Variants in TRAF3IP2 observed in about 807,000 individuals in gnomAD.
TRAF3IP2 encodes TRAF3 interacting protein 2, also known as E3 ubiquitin ligase TRAF3IP2.
In TRAF3IP2, 35 loss-of-function variants were observed where a neutral mutation model predicts 57.9. The observed-to-expected ratio is 0.60, with a 90% CI of 0.46 to 0.80. The LOEUF is 0.80. Ranked by LOEUF, TRAF3IP2 falls within the 30% of genes least tolerant of loss-of-function variation. TRAF3IP2 has a pLI of 0.00. For missense variants in TRAF3IP2, 556 were observed against 706.4 expected (o/e 0.79, Z 2.41); for synonymous variants, 251 against 268.9 (o/e 0.93, Z 0.65).
chr6:111,562,218 G>T (rs982632365), intron 8 of TRAF3IP2, among the ~76,000 whole-genome samples: 1 of 152,120 alleles, frequency 6.6e-6, no homozygotes, highest in African/African-American at 2.4e-5. Context: ...ATGAATCACG[G>T]CAAAGTTCAC....
In TRAF3IP2 at chr6:111,591,818, T is replaced by C; in HGVS notation, c.269A>G (p.Asp90Gly). ...VTCLRTQVLE[D>G]SEDSFCRRHP... ...TCTCCTGCAGAAACTGTCTTCACTG[T>C]CCTCCAGAACTTGAGTGCGCAGGCA... is the stretch of plus-strand genomic sequence containing the variant. Residue 90 changes from aspartate to glycine, a missense_variant, in exon 2 of 9, where the codon GAC becomes GGC. Physicochemically the swap from Asp to Gly is moderately conservative, Grantham distance 94. Coordinates refer to ENST00000368761, the MANE Select transcript of TRAF3IP2 (RefSeq NM_147686.4). This position sits in a 1 kb window ranked among gnomAD's most constrained non-coding sequence, Gnocchi z 4.9. 6.2e-7 allele frequency: 1 copy of C among 1,614,238 alleles called. No individual in the cohort carries two copies. The highest frequency in any genetic ancestry group is 8.5e-7 in the Non-Finnish European group (1 of 1,180,042).
intron 1 of TRAF3IP2, among the ~76,000 whole-genome samples, chr6:111,593,593 G>A (rs1287816458): frequency 6.6e-6 from 1 of 152,132 alleles, no homozygotes; most frequent in Non-Finnish European, 1.5e-5. Context: ...CCCACCTGCT[G>A]CACAACGACC....
At position 111,567,650 on chromosome 6, in the gene TRAF3IP2, T is replaced by C; in HGVS notation, c.1333A>G (p.Lys445Glu). 6.2e-7 allele frequency: 1 copy of C among 1,610,660 alleles called. No individual in the cohort carries two copies. The highest frequency in any genetic ancestry group is 1.7e-5 in the Admixed American group (1 of 59,480). ...TCCCTAAGGTAGCGCTCCATCCATT[T>C]AATGATATCAATGCCTCGGATTCTA... ...EDRIRGIDII[K>E]WMERYLRDKT... is the part of the protein sequence containing the mutation. Residue 445 changes from lysine (K) to glutamate (E), a missense_variant, in exon 6 of 9, where the codon AAA becomes GAA. This residue lies in a region of TRAF3IP2 where 128 missense variants were observed against 207.7 expected (regional missense o/e 0.62). Transcript: ENST00000368761.
At chr6:111,598,851 G>A (rs544004809) in intron 1 of TRAF3IP2, among the ~76,000 whole-genome samples, 6 of 152,102 alleles carry the variant, frequency 3.9e-5, no homozygotes, top group Admixed American at 6.6e-5. Context: ...TCATGACACC[G>A]CCCAGGAGAC....
At chr6:111,594,867 G>T (rs891363682) in intron 1 of TRAF3IP2, among the ~76,000 whole-genome samples, 5 of 152,140 alleles carry the variant, frequency 3.3e-5, no homozygotes, top group African/African-American at 1.2e-4. Context: ...AGTGAGCCGA[G>T]ATCGTGCCAT....
intron 1 of TRAF3IP2, among the ~76,000 whole-genome samples, chr6:111,596,716 A>G (rs1401799628): frequency 6.6e-6 from 1 of 152,124 alleles, no homozygotes; most frequent in Non-Finnish European, 1.5e-5. Context: ...GGCCTCCCAA[A>G]GTGCTGGGAT....
rs773409343 is a variant in TRAF3IP2 at position 111,601,230 on chromosome 6, G to A, written c.-9+4546C>T. On this transcript the variant is annotated intron_variant, in intron 1 of 8. Transcript: ENST00000368761. ...GAGGAGGCATGGAAGCAGGCCACCT[G>A]TGTTCTGTACAGCATCACCAGGCTG... is the stretch of plus-strand genomic sequence containing the variant. 4 of 778,804 alleles carry A rather than the reference G, an allele frequency of 5.1e-6. No individual in the cohort carries two copies. The African/African-American group carries it at 6.8e-5, about 13-fold the overall frequency. 48.2% of individuals were successfully genotyped at this position (778,804 alleles called of 1,614,324 possible). A position where few individuals can be genotyped will look rare whatever the true frequency, so the allele number is the denominator to read the frequency against.
chr6:111,596,690 G>A (rs1460119002), intron 1 of TRAF3IP2, among the ~76,000 whole-genome samples: 2 of 152,214 alleles, frequency 1.3e-5, no homozygotes, highest in African/African-American at 4.8e-5. Context: ...CTGACCTCAG[G>A]TGATCCGCCC....
At chr6:111,577,599 C>T (rs1796027950) in intron 3 of TRAF3IP2, among the ~76,000 whole-genome samples, 1 of 151,826 alleles carries the variant, frequency 6.6e-6, no homozygotes, top group South Asian at 2.1e-4. Flanking sequence ...CCATGTTGCC[C>T]AAGCTGGTCA....
chr6:111,560,707 AAGG>A (rs1795403900), intron 8 of TRAF3IP2, among the ~76,000 whole-genome samples: 1 of 152,210 alleles, frequency 6.6e-6, no homozygotes, highest in Non-Finnish European at 1.5e-5. Context: ...GCATTGTCTG[AAGG>A]AGATTTAAAA....
intron 1 of TRAF3IP2, chr6:111,597,777 G>A (rs1796737266): frequency 2.2e-6 from 1 of 453,004 alleles, no homozygotes; most frequent in Non-Finnish European, 4.4e-6. Context: ...CTGTGCATGT[G>A]AGCCTGGTTC....
chr6:111,587,443 C>A (rs174377), intron 2 of TRAF3IP2, among the ~76,000 whole-genome samples: 16,557 of 151,876 alleles, frequency 0.11, 1,214 homozygotes, highest in Middle Eastern at 0.22. Context: ...TTTTAGTAGA[C>A]AACATTTCAC....
chr6:111,568,757 G>A (rs1413554989), intron 5 of TRAF3IP2, among the ~76,000 whole-genome samples: 4 of 151,948 alleles, frequency 2.6e-5, no homozygotes, highest in African/African-American at 4.8e-5. Flanking sequence ...ATCCAGCCTC[G>A]CCTCTCTTTT....
chr6:111,580,876 C>A (rs1040382), intron 2 of TRAF3IP2, among the ~76,000 whole-genome samples: 3 of 150,404 alleles, frequency 2.0e-5, no homozygotes, highest in African/African-American at 7.3e-5. Context: ...ACACACACAC[C>A]CCACTCTCCT....
At chr6:111,603,621 T>A (rs901790708) in intron 1 of TRAF3IP2, among the ~76,000 whole-genome samples, 2 of 152,258 alleles carry the variant, frequency 1.3e-5, no homozygotes, top group Non-Finnish European at 2.9e-5. Context: ...TCTTTCTGAA[T>A]GCCTGTTGAA....
rs1475940238 is a variant in TRAF3IP2 at position 111,555,950 on chromosome 6, A to G, written c.*3455T>C. On this transcript the variant is annotated 3_prime_UTR_variant, in exon 9 of 9. Coordinates refer to ENST00000368761, the MANE Select transcript of TRAF3IP2 (RefSeq NM_147686.4). ...AACCCCGTCTCTACTAAAAATACAA[A>G]AAATTAGCCGGGCATGGTGGCAGGT... Among the ~76,000 whole-genome samples, 1 of 151,984 alleles carries G rather than the reference A, an allele frequency of 6.6e-6. No individual in the cohort carries two copies. Among genetic ancestry groups the G allele is most frequent in the Non-Finnish European group, 1.5e-5 (1 of 68,004 alleles).
intron 1 of TRAF3IP2, chr6:111,598,133 T>A (rs934028989): frequency 9.6e-6 from 3 of 312,006 alleles, no homozygotes; most frequent in Admixed American, 8.9e-5. Flanking sequence ...AGGCTCCCAA[T>A]ACAGAGCCCA....
intron 3 of TRAF3IP2, among the ~76,000 whole-genome samples, chr6:111,577,601 A>G (rs1344925368): frequency 6.6e-6 from 1 of 150,810 alleles, no homozygotes; most frequent in African/African-American, 2.4e-5. Context: ...ATGTTGCCCA[A>G]GCTGGTCACA....
intron 1 of TRAF3IP2, among the ~76,000 whole-genome samples, chr6:111,593,309 A>G (rs1277244896): frequency 2.6e-5 from 4 of 152,224 alleles, no homozygotes; most frequent in Admixed American, 6.5e-5. Context: ...GTCGCATTTC[A>G]ACCACATTCA....
Sources: allele counts gnomAD v4.1 joint callset (sites outside exome capture counted in the v4.1 genomes callset), GRCh38; gene constraint gnomAD v4.1.1; regional missense constraint gnomAD v4.1.1; non-coding constraint Gnocchi (gnomAD v3.1); transcripts MANE v1.5; gene names NCBI Gene and HGNC (gene_info 2026-07-23, HGNC 2026-07-21).